TCOF1: variants seen among roughly 807,000 people sequenced by gnomAD.
The protein encoded by TCOF1 is treacle protein.
TCOF1 carries 33 observed loss-of-function variants against 149.0 expected under a neutral mutation model. The ratio of observed to expected loss-of-function variants is 0.22; its 90% confidence interval spans 0.17 to 0.30. TCOF1 has a LOEUF of 0.30. TCOF1 is among the 10% of genes least tolerant of loss of function. The pLI is 1.00. For synonymous variants in TCOF1, 789 were observed against 738.8 expected, an observed-to-expected ratio of 1.07 and a Z score of -1.10; for missense variants, 1,728 against 1,840.7, an observed-to-expected ratio of 0.94 and a Z score of 1.12.
intron 18 of TCOF1, among the ~76,000 whole-genome samples, chr5:150,389,574 G>A (rs1202755108): frequency 6.6e-6 from 1 of 152,264 alleles, no homozygotes; most frequent in Non-Finnish European, 1.5e-5. Context: ...TTAACTGCAA[G>A]GAGAGTCGTT....
At position 150,374,668 on chromosome 5, in the gene TCOF1, A is replaced by G; in HGVS notation, c.1135A>G (p.Lys379Glu). The G allele has an allele frequency of 1.2e-6, 2 of 1,613,890 alleles. No individual in the cohort carries two copies. Among genetic ancestry groups the G allele is most frequent in the Non-Finnish European group, 1.7e-6 (2 of 1,179,984 alleles). ...SQVGAASAPAKESPRKGAAPA... is the reference protein window; with the variant it reads ...SQVGAASAPAEESPRKGAAPA... ...GGTCGGAGCTGCCTCAGCCCCTGCC[A>G]AGGAGTCCCCCAGGAAAGGAGCTGC... The change falls in exon 9 of 27, where the codon AAG (lysine) becomes GAG (glutamate). Residue 379 changes from lysine to glutamate, a missense_variant. Lys to Glu is a moderately conservative substitution (Grantham distance 56). Around this residue, in one of 2 missense-constraint regions of TCOF1, gnomAD observed 1,696 missense variants for 1,765.4 expected, o/e 0.96. Transcript: ENST00000643257.
At chr5:150,377,059 T>C (rs924910550) in intron 14 of TCOF1, among the ~76,000 whole-genome samples, 1 of 152,186 alleles carries the variant, frequency 6.6e-6, no homozygotes, top group African/African-American at 2.4e-5. Flanking sequence ...GGTGGCAGCA[T>C]CTGAGCCATG....
intron 23 of TCOF1, among the ~76,000 whole-genome samples, chr5:150,395,537 G>GTTTTT (rs78830397): frequency 1.4e-5 from 2 of 143,884 alleles, no homozygotes; most frequent in African/African-American, 5.1e-5. Flanking sequence ...GCTGTGGAAG[G>GTTTTT]TTTTTTTTTT....
intron 7 of TCOF1, among the ~76,000 whole-genome samples, chr5:150,372,967 AC>A (rs1160847123): frequency 6.6e-6 from 1 of 152,174 alleles, no homozygotes; most frequent in Non-Finnish European, 1.5e-5. Flanking sequence ...ACGAATTGTG[AC>A]AAATTGTTGT....
chr5:150,375,387 G>C lies in TCOF1; in HGVS notation c.1537G>C (p.Gly513Arg). ...SPQVKPASTM[G>R]MGPLGKGAGP... Reference sequence around the variant, plus strand: ...CCAGGTGAAACCTGCCTCTACCATGGGCATGGGGCCCTTGGGGAAAGGCGC... The same window carrying C: ...CCAGGTGAAACCTGCCTCTACCATGCGCATGGGGCCCTTGGGGAAAGGCGC... Residue 513 changes from glycine (G) to arginine (R), a missense_variant, in exon 11 of 27, where the codon GGC (glycine) becomes CGC (arginine). Coordinates refer to ENST00000643257, the MANE Select transcript of TCOF1 (RefSeq NM_001371623.1). 6.2e-7 allele frequency: 1 copy of C among 1,612,612 alleles called. No individual in the cohort carries two copies.
chr5:150,383,805 T>G, intron 17 of TCOF1: 2 of 1,551,712 alleles, frequency 1.3e-6, no homozygotes, highest in Non-Finnish European at 1.7e-6. Context: ...GTGGCATACC[T>G]TCATGTGCTC....
At chr5:150,362,879 AG>A (rs1760472805) in intron 2 of TCOF1, among the ~76,000 whole-genome samples, 1 of 152,160 alleles carries the variant, frequency 6.6e-6, no homozygotes, top group African/African-American at 2.4e-5. Context: ...TCTATGGGTG[AG>A]GGGGACAAGG....
intron 1 of TCOF1, among the ~76,000 whole-genome samples, chr5:150,360,792 GGTGGCACAA>G (rs1759890480): frequency 2.0e-5 from 3 of 150,012 alleles, no homozygotes; most frequent in Admixed American, 2.0e-4. Context: ...GCTGGAGTGC[GGTGGCACAA>G]GCATGGCTCA....
intron 18 of TCOF1, among the ~76,000 whole-genome samples, chr5:150,388,852 A>G (rs765978865): frequency 2.6e-5 from 4 of 152,058 alleles, no homozygotes; most frequent in Non-Finnish European, 5.9e-5. Flanking sequence ...AATCGCTTGA[A>G]CCCAGGAGGC....
intron 1 of TCOF1, among the ~76,000 whole-genome samples, chr5:150,359,417 G>A (rs1759497680): frequency 6.6e-6 from 1 of 152,152 alleles, no homozygotes; most frequent in Non-Finnish European, 1.5e-5. Flanking sequence ...GGGAGATGGA[G>A]GCAGGGGCTG....
chr5:150,382,274 A>G (rs1581159195), intron 17 of TCOF1, among the ~76,000 whole-genome samples: 3 of 152,296 alleles, frequency 2.0e-5, no homozygotes, highest in Admixed American at 2.0e-4. Context: ...ACTGGCTGGG[A>G]GGAGGGCCCA....
intron 16 of TCOF1, 23 bp from the exon 17 acceptor site, chr5:150,379,509 T>A: frequency 6.2e-7 from 1 of 1,613,668 alleles, no homozygotes; most frequent in South Asian, 1.1e-5. Flanking sequence ...GGCTCTCTCC[T>A]CTCATCCTGT....
At chr5:150,393,676 A>G (rs1767876945) in intron 23 of TCOF1, 124 bp downstream of exon 23, 5 of 1,321,124 alleles carry the variant, frequency 3.8e-6, no homozygotes, top group Non-Finnish European at 5.3e-6. Flanking sequence ...AGCCTCTCCA[A>G]GTGAGACCTT....
At position 150,388,036 on chromosome 5, in the gene TCOF1, C is replaced by T. The variant is rs1174888426; in HGVS notation, c.2994C>T (p.Ser998=). The stretch of plus-strand genomic sequence containing the variant: ...CGGAGAGCACAGCCAGGAGCTCCTC[C>T]TCCGAGAGCGAGGATGAGGACGTGA... ...RASESTARSS[S]SESEDEDVIP... Residue 998 remains serine (S), a synonymous_variant, in exon 18 of 27, where the codon TCC becomes TCT. Transcript: ENST00000643257. 5 of 1,613,698 alleles carry T rather than the reference C, an allele frequency of 3.1e-6. No homozygotes were observed. The South Asian group carries it at 3.3e-5, about 11-fold the overall frequency.
chr5:150,392,400 G>T, intron 21 of TCOF1: 1 of 620,660 alleles, frequency 1.6e-6, no homozygotes, highest in Non-Finnish European at 2.8e-6. Flanking sequence ...TTTGGTATCA[G>T]ACTCCCTTCA....
intron 24 of TCOF1, 100 bp from the exon 25 acceptor site, chr5:150,398,254 T>G: frequency 6.3e-7 from 1 of 1,587,676 alleles, no homozygotes; most frequent in Non-Finnish European, 8.5e-7. Context: ...TCTGGTGGTG[T>G]GGGGAAAGCT....
chr5:150,367,854 A>G lies in TCOF1; in HGVS notation c.315A>G (p.Leu105=), dbSNP rs1476353470. ...EAETAKATPR[L]ASTNSSVLGA... is the part of the protein sequence containing the mutation. Reference sequence around the variant, plus strand: ...GTTTGTTTCTTGCAGCCCCAAGACTAGCATCTACCAACTCCTCAGTCCTGG... The same window carrying G: ...GTTTGTTTCTTGCAGCCCCAAGACTGGCATCTACCAACTCCTCAGTCCTGG... The change falls in exon 4 of 27, where the codon CTA becomes CTG. Residue 105 remains leucine (L), a synonymous_variant. Coordinates refer to ENST00000643257, the MANE Select transcript of TCOF1 (RefSeq NM_001371623.1). 3 of 1,614,210 alleles carry G rather than the reference A, an allele frequency of 1.9e-6. No homozygotes were observed. The highest frequency in any genetic ancestry group is 1.1e-5 in the South Asian group (1 of 91,092).
rs1054278659 is a variant in TCOF1 at position 150,357,736 on chromosome 5, G to A, written c.-11G>A. ...GGCGTGCAGGTAGCCGGCCGGCCGGGGGTCGCGGGTATGGCCGAGGCCAGG... is the reference window on the plus strand; with the variant it reads ...GGCGTGCAGGTAGCCGGCCGGCCGGAGGTCGCGGGTATGGCCGAGGCCAGG... On this transcript the variant is annotated 5_prime_UTR_variant, in exon 1 of 27. Coordinates refer to ENST00000643257, the MANE Select transcript of TCOF1 (RefSeq NM_001371623.1). 39 of 1,547,714 alleles carry A rather than the reference G, an allele frequency of 2.5e-5. No homozygotes were observed. The highest frequency in any genetic ancestry group is 3.2e-5 in the Non-Finnish European group (37 of 1,146,072).
intron 14 of TCOF1, 41 bp from the exon 15 acceptor site, chr5:150,378,864 A>G (rs776572788): frequency 7.4e-6 from 12 of 1,612,646 alleles, no homozygotes; most frequent in Admixed American, 3.3e-5. Flanking sequence ...GCTTTACTCA[A>G]TCTCACCTTC....
Sources: gnomAD v4.1 joint callset for allele counts (sites outside exome capture counted in the v4.1 genomes callset) on GRCh38, gnomAD v4.1.1 for gene constraint, gnomAD v4.1.1 regional missense constraint, MANE v1.5 for transcripts, NCBI Gene and HGNC (gene_info 2026-07-23, HGNC 2026-07-21) for gene names.